STS: variants seen among roughly 807,000 people sequenced by gnomAD.
STS encodes the protein steroid sulfatase.
Under a neutral mutation model 26.8 loss-of-function variants are expected in STS, and 7 were observed. The observed-to-expected ratio is 0.26, with a 90% confidence interval of 0.15 to 0.49. The LOEUF (loss-of-function observed/expected upper bound fraction) is 0.49, where lower values mean the gene tolerates loss of function less well. Among genes scored for constraint, STS ranks in the 20% least tolerant of loss-of-function variants. The pLI is 0.98. For synonymous variants in STS, 199 were observed against 189.4 expected, an observed-to-expected ratio of 1.05 and a Z score of -0.42; for missense variants, 434 against 465.6, an observed-to-expected ratio of 0.93 and a Z score of 0.63.
chrX:7,241,133 A>C (rs5934743), intron 2 of STS, among the ~76,000 whole-genome samples: 39,850 of 111,000 alleles, frequency 0.36, 5,276 homozygotes, highest in East Asian at 0.4. Context: ...AACATCAGCA[A>C]CTTATACAAT....
intron 9 of STS, among the ~76,000 whole-genome samples, chrX:7,332,725 C>T (rs1277079520): frequency 2.7e-5 from 3 of 111,314 alleles, no homozygotes; most frequent in African/African-American, 9.8e-5. Context: ...AAAAGAACCA[C>T]GCACAATGAC....
chrX:7,306,609 A>C (rs1193810941), intron 8 of STS, among the ~76,000 whole-genome samples: 1 of 111,726 alleles, frequency 9.0e-6, no homozygotes, highest in Non-Finnish European at 1.9e-5. Flanking sequence ...GAAGCCTGGG[A>C]AGACCCAGTA....
intron 8 of STS, among the ~76,000 whole-genome samples, chrX:7,324,498 G>A (rs1390978730): frequency 8.9e-6 from 1 of 111,767 alleles, no homozygotes; most frequent in African/African-American, 3.3e-5. Context: ...AGCTTTGTGG[G>A]GCTATTTTGA....
rs1024853479 is a variant in STS, at chrX:7,255,345, T to C, written c.138-1897T>C. 6.7e-4 allele frequency among the ~76,000 whole-genome samples: 75 copies of C among 112,369 alleles called. 1 individual carries two copies. Among genetic ancestry groups the C allele is most frequent in the African/African-American group, 2.3e-3 (72 of 31,032 alleles). On this transcript the variant is annotated intron_variant, in intron 3 of 10. Coordinates refer to ENST00000674429, the MANE Select transcript of STS (RefSeq NM_001320752.2). ...CAGATCACTTTATACATTTGTGATA[T>C]AGATCTTATTAATTTAGTTTTTCTT...
chrX:7,169,495 A>G (rs1248788823), intron 1 of STS, among the ~76,000 whole-genome samples: 1 of 112,408 alleles, frequency 8.9e-6, no homozygotes, highest in Non-Finnish European at 1.9e-5. Flanking sequence ...TGCTGTGAAC[A>G]TTGATGTACA....
intron 7 of STS, among the ~76,000 whole-genome samples, chrX:7,293,897 A>AATGAGCT (rs1180848139): frequency 1.7e-4 from 19 of 111,410 alleles, no homozygotes; most frequent in Admixed American, 4.8e-4. Context: ...TTGAGGCTAC[A>AATGAGCT]ATGAGCTATG....
chrX:7,353,188 G>A lies in STS; in HGVS notation c.*2927G>A, dbSNP rs767606238. 2 of 111,079 alleles carry A rather than the reference G, an allele frequency of 1.8e-5. No homozygotes were observed. Among genetic ancestry groups the A allele is most frequent in the African/African-American group, 3.3e-5 (1 of 30,620 alleles). 9.2% of individuals were successfully genotyped at this position (111,079 alleles called of 1,213,427 possible). A position where few individuals can be genotyped will look rare whatever the true frequency, so the allele number is the denominator to read the frequency against. On this transcript the variant is annotated 3_prime_UTR_variant, in exon 11 of 11. Transcript: ENST00000674429. ...ACAAGTTCCAGTTCTGCAAAGATTC[G>A]TCAACTTTCTTAGCTCAAGAGAGAG...
In STS at chrX:7,179,725, A is replaced by C. The variant is rs141483464; in HGVS notation, c.-133-11155A>C. 8.9e-5 allele frequency among the ~76,000 whole-genome samples: 10 copies of C among 112,389 alleles called. No individual in the cohort carries two copies. In the East Asian group the frequency reaches 2.8e-3, roughly 32 times the overall value. On this transcript the variant is annotated intron_variant, in intron 1 of 10. Transcript: ENST00000674429. The stretch of plus-strand genomic sequence containing the variant: ...TTCAAAATACTGACTCTAAGAACTC[A>C]TAGAAACAACAGTACAATGGCAGTT...
At chrX:7,312,813 T>G (rs1206299021) in intron 8 of STS, among the ~76,000 whole-genome samples, 1 of 112,218 alleles carries the variant, frequency 8.9e-6, no homozygotes, top group Non-Finnish European at 1.9e-5. Context: ...TATTTCTTCA[T>G]AGAAGTATGA....
chrX:7,228,216 T>A (rs1488357135), intron 2 of STS, among the ~76,000 whole-genome samples: 2 of 111,849 alleles, frequency 1.8e-5, no homozygotes, highest in African/African-American at 6.5e-5. Context: ...GAGATCCTGA[T>A]TTCAATGCTG....
At chrX:7,218,790 G>C (rs1921417114) in intron 2 of STS, among the ~76,000 whole-genome samples, 1 of 112,159 alleles carries the variant, frequency 8.9e-6, no homozygotes, top group Non-Finnish European at 1.9e-5. Flanking sequence ...CAATGTCGGT[G>C]GTATTTCAAC....
At chrX:7,248,694 A>G (rs1206919629) in intron 2 of STS, among the ~76,000 whole-genome samples, 1 of 111,436 alleles carries the variant, frequency 9.0e-6, no homozygotes, top group Non-Finnish European at 1.9e-5. Context: ...AAGATTTATT[A>G]CTATTTATAA....
At position 7,153,821 on chromosome X, in the gene STS, C is replaced by G. The variant is rs745836631; in HGVS notation, c.-134+5738C>G. Among the ~76,000 whole-genome samples, 4 of 105,651 alleles carry G rather than the reference C, an allele frequency of 3.8e-5. No homozygotes were observed. In the South Asian group the frequency reaches 1.8e-3, roughly 48 times the overall value. The allele number at this position is 105,651 out of a possible 115,157, so 91.7% of individuals were successfully genotyped here. On this transcript the variant is annotated intron_variant, in intron 1 of 10. Coordinates refer to ENST00000674429, the MANE Select transcript of STS (RefSeq NM_001320752.2). ...TGTCCTCCTCCTCAACTCCCTCCCT[C>G]TCTGCTTCCTTCCCTTCCTTTCCTC...
chrX:7,281,521 A>C (rs959500320), intron 7 of STS, among the ~76,000 whole-genome samples: 16 of 112,172 alleles, frequency 1.4e-4, no homozygotes, highest in African/African-American at 5.2e-4. Flanking sequence ...GGGATGTTAC[A>C]GAATGAATGC....
chrX:7,233,096 T>TC (rs1255349071), intron 2 of STS, among the ~76,000 whole-genome samples: 6 of 95,205 alleles, frequency 6.3e-5, no homozygotes, highest in East Asian at 6.5e-4. Flanking sequence ...TTTTTCTTTT[T>TC]TTTTTTTTTT....
chrX:7,266,280 A>G (rs1924003187), intron 6 of STS, among the ~76,000 whole-genome samples: 1 of 111,954 alleles, frequency 8.9e-6, no homozygotes, highest in African/African-American at 3.2e-5. Context: ...CTTTCTCTAC[A>G]CTGTGTTACT....
chrX:7,283,121 G>A (rs370916118), intron 7 of STS, among the ~76,000 whole-genome samples: 1 of 112,189 alleles, frequency 8.9e-6, no homozygotes. Flanking sequence ...GGGGTGTAAT[G>A]CATCACTTTT....
chrX:7,272,532 C>T (rs1924333113), intron 6 of STS, among the ~76,000 whole-genome samples: 1 of 111,872 alleles, frequency 8.9e-6, no homozygotes, highest in Admixed American at 9.5e-5. Context: ...AACCACATCC[C>T]TTCTAAGTAA....
intron 1 of STS, among the ~76,000 whole-genome samples, chrX:7,164,871 A>C (rs1395906828): frequency 1.9e-5 from 2 of 107,329 alleles, no homozygotes; most frequent in East Asian, 2.9e-4. Context: ...CACACACACA[A>C]AAAGAAGAGT....
Sources: gnomAD v4.1 joint callset for allele counts (sites outside exome capture counted in the v4.1 genomes callset) on GRCh38, gnomAD v4.1.1 for gene constraint, MANE v1.5 for transcripts, NCBI Gene and HGNC (gene_info 2026-07-23, HGNC 2026-07-21) for gene names.